PABPC4L: variants seen among roughly 807,000 people sequenced by gnomAD.
PABPC4L encodes the protein polyadenylate-binding protein 4-like.
For missense variants in PABPC4L, 452 were observed against 451.4 expected, an observed-to-expected ratio of 1.00 and a Z score of -0.01; for synonymous variants, 169 against 164.1, an observed-to-expected ratio of 1.03 and a Z score of -0.23.
At chr4:134,189,882 G>A in the PABPC4L span, among the ~76,000 whole-genome samples, 2 of 151,986 alleles carry the variant, frequency 1.3e-5, no homozygotes, top group Admixed American at 6.6e-5. Context: ...TTAGGCTCTG[G>A]GAAAATAGTT....
At chr4:134,091,121 G>C in the PABPC4L span, among the ~76,000 whole-genome samples, 1 of 152,048 alleles carries the variant, frequency 6.6e-6, no homozygotes, top group East Asian at 1.9e-4. Context: ...CATTATGCAT[G>C]TGAGTTGTCC....
chr4:134,045,295 T>G, the PABPC4L span, among the ~76,000 whole-genome samples: 1 of 152,272 alleles, frequency 6.6e-6, no homozygotes, highest in South Asian at 2.1e-4. Context: ...GATCACATTA[T>G]TCATTACCTT....
chr4:134,183,445 G>A, the PABPC4L span, among the ~76,000 whole-genome samples: 3 of 151,620 alleles, frequency 2.0e-5, no homozygotes, highest in Non-Finnish European at 4.4e-5. Flanking sequence ...AACAGACACG[G>A]GGGCCTACTT....
the PABPC4L span, among the ~76,000 whole-genome samples, chr4:134,067,106 G>C: frequency 2.0e-5 from 3 of 152,026 alleles, 1 homozygote; most frequent in Non-Finnish European, 4.4e-5. Context: ...GTTTGAGTAG[G>C]AATGTTACAA....
At chr4:134,164,683 AAAATGACCATACTGCCC>A in the PABPC4L span, among the ~76,000 whole-genome samples, 1 of 152,174 alleles carries the variant, frequency 6.6e-6, no homozygotes, top group Admixed American at 6.5e-5. Flanking sequence ...AAGTATTCTA[AAAATGACCATACTGCCC>A]AAAAGAATCT....
downstream of PABPC4L, among the ~76,000 whole-genome samples, chr4:134,194,934 A>G (rs887696760): frequency 5.3e-5 from 8 of 151,916 alleles, no homozygotes; most frequent in African/African-American, 1.9e-4. Context: ...TTTAAGGAGA[A>G]GAATGATATG....
chr4:134,013,360 C>T, the PABPC4L span, among the ~76,000 whole-genome samples: 7 of 152,106 alleles, frequency 4.6e-5, no homozygotes, highest in African/African-American at 1.7e-4. Context: ...GAACCCCCCA[C>T]CTCTTCTCCG....
the PABPC4L span, among the ~76,000 whole-genome samples, chr4:134,141,802 A>C: frequency 6.6e-6 from 1 of 151,730 alleles, no homozygotes; most frequent in Admixed American, 6.6e-5. Flanking sequence ...CCATGTCAAA[A>C]GGTCATCAAG....
the PABPC4L span, among the ~76,000 whole-genome samples, chr4:134,096,788 C>T: frequency 6.6e-6 from 1 of 151,832 alleles, no homozygotes; most frequent in Non-Finnish European, 1.5e-5. Context: ...ATGTTATTGT[C>T]AAATTTGTGC....
At chr4:134,169,048 C>A in the PABPC4L span, among the ~76,000 whole-genome samples, 408 of 152,064 alleles carry the variant, frequency 2.7e-3, 1 homozygote, top group African/African-American at 8.3e-3. Context: ...TATGCAGAAA[C>A]CTTCAACAAA....
the PABPC4L span, among the ~76,000 whole-genome samples, chr4:134,181,670 A>G: frequency 6.6e-6 from 1 of 152,112 alleles, no homozygotes; most frequent in Non-Finnish European, 1.5e-5. Context: ...TACTTCAGCA[A>G]AGTTTCAGGA....
the PABPC4L span, among the ~76,000 whole-genome samples, chr4:134,150,942 A>C: frequency 6.6e-6 from 1 of 152,212 alleles, no homozygotes; most frequent in Non-Finnish European, 1.5e-5. Flanking sequence ...ACGAAACATG[A>C]TACAGCCATG....
the PABPC4L span, among the ~76,000 whole-genome samples, chr4:133,987,048 T>C: frequency 1.3e-5 from 2 of 152,124 alleles, no homozygotes; most frequent in African/African-American, 4.8e-5. Flanking sequence ...GACTTTCAAT[T>C]GTTGATAATG....
At chr4:134,182,884 T>C in the PABPC4L span, among the ~76,000 whole-genome samples, 2 of 151,928 alleles carry the variant, frequency 1.3e-5, no homozygotes, top group African/African-American at 4.8e-5. Context: ...TTTAGGGAAA[T>C]TCAAATCAAA....
chr4:134,071,279 G>T, the PABPC4L span, among the ~76,000 whole-genome samples: 1 of 151,840 alleles, frequency 6.6e-6, no homozygotes, highest in Non-Finnish European at 1.5e-5. Context: ...TCCTCCCTCT[G>T]TCCACTCTCA....
chr4:134,043,303 A>T, the PABPC4L span, among the ~76,000 whole-genome samples: 1 of 152,172 alleles, frequency 6.6e-6, no homozygotes, highest in Non-Finnish European at 1.5e-5. Flanking sequence ...AGTAAACTAT[A>T]TGAGGACTGT....
chr4:134,151,654 C>T, the PABPC4L span, among the ~76,000 whole-genome samples: 5 of 151,654 alleles, frequency 3.3e-5, no homozygotes, highest in African/African-American at 1.2e-4. Flanking sequence ...AATGTTTTGC[C>T]AATTATTTAT....
At chr4:134,182,701 A>G in the PABPC4L span, among the ~76,000 whole-genome samples, 2 of 152,120 alleles carry the variant, frequency 1.3e-5, no homozygotes, top group South Asian at 2.1e-4. Flanking sequence ...TTTGCAAACT[A>G]CTAATCCAAC....
chr4:134,127,917 G>C, the PABPC4L span, among the ~76,000 whole-genome samples: 1 of 151,878 alleles, frequency 6.6e-6, no homozygotes, highest in Non-Finnish European at 1.5e-5. Flanking sequence ...ATTGATACAG[G>C]ATATGAATGA....
Sources: gnomAD v4.1 joint callset for allele counts (sites outside exome capture counted in the v4.1 genomes callset) on GRCh38, gnomAD v4.1.1 for gene constraint, MANE v1.5 for transcripts, NCBI Gene and HGNC (gene_info 2026-07-23, HGNC 2026-07-21) for gene names.